JAKMIP2: variants seen among roughly 807,000 people sequenced by gnomAD.
JAKMIP2 encodes janus kinase and microtubule-interacting protein 2.
JAKMIP2 carries 25 observed loss-of-function variants against 115.0 expected under a neutral mutation model. The observed-to-expected ratio is 0.22, with a 90% confidence interval of 0.16 to 0.30. JAKMIP2 has a LOEUF of 0.30. Ranked by LOEUF, JAKMIP2 falls within the 10% of genes least tolerant of loss-of-function variation. The probability of loss-of-function intolerance (pLI) is 1.00; values close to 1 mark genes in which losing one functional copy is unlikely to be tolerated. For missense variants in JAKMIP2, 642 were observed against 957.6 expected (o/e 0.67, Z 4.35); for synonymous variants, 334 against 343.6 (o/e 0.97, Z 0.31).
At chr5:147,776,542 T>A (rs1755563378) in intron 1 of JAKMIP2, among the ~76,000 whole-genome samples, 1 of 152,184 alleles carries the variant, frequency 6.6e-6, no homozygotes, top group Non-Finnish European at 1.5e-5. Context: ...GTCCTTATAG[T>A]AGTGTGAGAA....
intron 1 of JAKMIP2, among the ~76,000 whole-genome samples, chr5:147,687,503 G>A (rs1416788929): frequency 2.6e-5 from 4 of 152,066 alleles, no homozygotes; most frequent in Admixed American, 2.6e-4. Flanking sequence ...AGATGAGAGA[G>A]GATTTGCCCT....
intron 1 of JAKMIP2, among the ~76,000 whole-genome samples, chr5:147,720,620 C>T (rs893081071): frequency 6.6e-6 from 1 of 152,134 alleles, no homozygotes; most frequent in Non-Finnish European, 1.5e-5. Flanking sequence ...CGCTGATATC[C>T]TTTCTTCCAG....
At chr5:147,663,778 A>G (rs975624502) in intron 2 of JAKMIP2, among the ~76,000 whole-genome samples, 7 of 152,066 alleles carry the variant, frequency 4.6e-5, no homozygotes, top group Non-Finnish European at 1.5e-5. Context: ...GCACAAGGGG[A>G]TTTGGTGAAA....
chr5:147,668,524 G>A (rs532516023), intron 2 of JAKMIP2, among the ~76,000 whole-genome samples: 33 of 152,310 alleles, frequency 2.2e-4, no homozygotes, highest in Middle Eastern at 3.4e-3. Flanking sequence ...GGGTTTGGGG[G>A]AAAGCTGTTA....
At chr5:147,693,860 CAAAT>C (rs548476511) in intron 1 of JAKMIP2, among the ~76,000 whole-genome samples, 167 of 152,160 alleles carry the variant, frequency 1.1e-3, no homozygotes, top group Non-Finnish European at 2.0e-3. Flanking sequence ...TACTTCTGAT[CAAAT>C]AAATAGAATT....
rs754143948 is a variant in JAKMIP2, at chr5:147,628,792, C to T, written c.1954G>A (p.Ala652Thr). The change falls in exon 16 of 22, where the codon GCC becomes ACC. Residue 652 changes from alanine to threonine, a missense_variant. Coordinates refer to ENST00000616793, the MANE Select transcript of JAKMIP2 (RefSeq NM_001270941.2). Reference sequence around the variant, plus strand: ...AGCACAGTGCTGGCCTGAATTATGGCCACTTGTTCTTCATTTCTTAAATTC... The same window carrying T: ...AGCACAGTGCTGGCCTGAATTATGGTCACTTGTTCTTCATTTCTTAAATTC... ...NGNLRNEEQV[A>T]IIQASTVLSL... The T allele has an allele frequency of 6.2e-7, 1 of 1,613,306 alleles. No individual in the cohort carries two copies. The highest frequency in any genetic ancestry group is 2.2e-5 in the East Asian group (1 of 44,858).
chr5:147,605,620 T>C (rs1474815956), intron 20 of JAKMIP2, among the ~76,000 whole-genome samples: 3 of 152,222 alleles, frequency 2.0e-5, no homozygotes, highest in Admixed American at 1.3e-4. Flanking sequence ...TAGGTCTTTA[T>C]AGTAGAATGA....
At chr5:147,626,106 A>G (rs1039071307) in intron 16 of JAKMIP2, among the ~76,000 whole-genome samples, 1 of 152,240 alleles carries the variant, frequency 6.6e-6, no homozygotes, top group African/African-American at 2.4e-5. Flanking sequence ...GGTAGTCTCA[A>G]GACATTCATT....
At chr5:147,693,492 T>A (rs565950897) in intron 1 of JAKMIP2, among the ~76,000 whole-genome samples, 1 of 152,268 alleles carries the variant, frequency 6.6e-6, no homozygotes, top group African/African-American at 2.4e-5. Flanking sequence ...TCCCTTTTCA[T>A]CTTTAAGAAT....
At chr5:147,654,983 C>T (rs2126761892) in intron 3 of JAKMIP2, among the ~76,000 whole-genome samples, 1 of 152,244 alleles carries the variant, frequency 6.6e-6, no homozygotes, top group South Asian at 2.1e-4. Flanking sequence ...GTCATTGGTT[C>T]TGTTTATGTG....
chr5:147,700,167 A>C (rs1424365817), intron 1 of JAKMIP2, among the ~76,000 whole-genome samples: 1 of 152,166 alleles, frequency 6.6e-6, no homozygotes, highest in East Asian at 1.9e-4. Flanking sequence ...AGACCATTAG[A>C]GATTCAAATA....
chr5:147,739,895 C>T (rs926155752), intron 1 of JAKMIP2, among the ~76,000 whole-genome samples: 10 of 152,154 alleles, frequency 6.6e-5, no homozygotes, highest in South Asian at 2.1e-4. Flanking sequence ...AGTCACAGCC[C>T]CTGCCCATTT....
At chr5:147,781,881 A>G (rs1257853927) in intron 1 of JAKMIP2, among the ~76,000 whole-genome samples, 3 of 152,246 alleles carry the variant, frequency 2.0e-5, no homozygotes, top group Non-Finnish European at 2.9e-5. Context: ...TAAGATATAC[A>G]TGTGTAAGTT....
chr5:147,734,605 C>CA (rs1753852511), intron 1 of JAKMIP2, among the ~76,000 whole-genome samples: 1 of 151,254 alleles, frequency 6.6e-6, no homozygotes, highest in Non-Finnish European at 1.5e-5. Context: ...ACCTATGTAA[C>CA]AAGCCTGCAC....
intron 2 of JAKMIP2, among the ~76,000 whole-genome samples, chr5:147,662,810 C>A (rs891132764): frequency 4.5e-4 from 68 of 152,054 alleles, no homozygotes; most frequent in Non-Finnish European, 1.5e-4. Flanking sequence ...CATGGTGAAA[C>A]CCCGTCTCTA....
chr5:147,674,518 A>T (rs530806648), intron 1 of JAKMIP2, among the ~76,000 whole-genome samples: 34 of 152,310 alleles, frequency 2.2e-4, no homozygotes, highest in Admixed American at 8.5e-4. Context: ...AAGAAGAGAG[A>T]CGAGGTGAGA....
chr5:147,604,498 C>A (rs1215321461), intron 20 of JAKMIP2, among the ~76,000 whole-genome samples: 4 of 152,076 alleles, frequency 2.6e-5, no homozygotes, highest in African/African-American at 9.7e-5. Context: ...ATATAAAAAT[C>A]TGGATGCCTG....
intron 20 of JAKMIP2, among the ~76,000 whole-genome samples, chr5:147,604,205 C>T (rs547554026): frequency 6.6e-6 from 1 of 152,294 alleles, no homozygotes; most frequent in South Asian, 2.1e-4. Context: ...CTCACTCAAT[C>T]CTGCAAAACT....
intron 1 of JAKMIP2, among the ~76,000 whole-genome samples, chr5:147,708,333 A>G (rs1178956491): frequency 6.6e-6 from 1 of 152,184 alleles, no homozygotes; most frequent in Non-Finnish European, 1.5e-5. Flanking sequence ...TGTAAACCAC[A>G]CAGCAATTAG....
Sources: gnomAD v4.1 joint callset for allele counts (sites outside exome capture counted in the v4.1 genomes callset) on GRCh38, gnomAD v4.1.1 for gene constraint, MANE v1.5 for transcripts, NCBI Gene and HGNC (gene_info 2026-07-23, HGNC 2026-07-21) for gene names.